Variants in SKIC3 observed in about 807,000 individuals in gnomAD.
The protein encoded by SKIC3 is SKI3 subunit of superkiller complex, also known as superkiller complex protein 3.
chr5:95,504,033 A>C, the SKIC3 span: 1 of 1,238,252 alleles, frequency 8.1e-7, no homozygotes, highest in East Asian at 4.0e-5. Context: ...GTTGGGCCGG[A>C]CGCGGTGGCT....
At chr5:95,470,134 CA>C in the SKIC3 span, among the ~76,000 whole-genome samples, 1 of 152,000 alleles carries the variant, frequency 6.6e-6, no homozygotes, top group Non-Finnish European at 1.5e-5. Context: ...CCCGCCACCA[CA>C]CCCGGCTAAT....
chr5:95,510,062 G>A, the SKIC3 span, among the ~76,000 whole-genome samples: 4 of 151,984 alleles, frequency 2.6e-5, no homozygotes, highest in African/African-American at 4.8e-5. Context: ...TTCTCTTGGC[G>A]GTTCTGTTCC....
the SKIC3 span, chr5:95,516,431 T>C: frequency 1.2e-6 from 2 of 1,613,024 alleles, no homozygotes; most frequent in Admixed American, 1.7e-5. Flanking sequence ...AACATTTTTT[T>C]TCTTAAAATA....
chr5:95,470,933 G>A, the SKIC3 span, among the ~76,000 whole-genome samples: 6 of 152,028 alleles, frequency 3.9e-5, no homozygotes, highest in South Asian at 2.1e-4. Context: ...AAATTTTGAC[G>A]AAGATTTCAT....
chr5:95,530,764 C>T, the SKIC3 span, among the ~76,000 whole-genome samples: 1 of 152,160 alleles, frequency 6.6e-6, no homozygotes, highest in Non-Finnish European at 1.5e-5. Flanking sequence ...CTAAAACTAT[C>T]TTTTTCTATA....
chr5:95,516,476 G>A, the SKIC3 span: 173,442 of 1,611,540 alleles, frequency 0.11, 11,448 homozygotes, highest in African/African-American at 0.3. Context: ...CAGAAAATTA[G>A]TAATACTAAA....
chr5:95,498,293 G>A, the SKIC3 span: 23 of 1,430,114 alleles, frequency 1.6e-5, no homozygotes, highest in South Asian at 2.5e-4. Flanking sequence ...TTATTTTATA[G>A]TATTAATAAA....
the SKIC3 span, among the ~76,000 whole-genome samples, chr5:95,490,159 G>T: frequency 6.6e-6 from 1 of 151,972 alleles, no homozygotes; most frequent in African/African-American, 2.4e-5. Flanking sequence ...TAGATTAACA[G>T]CTTATTCTGA....
At chr5:95,534,211 A>G in the SKIC3 span, among the ~76,000 whole-genome samples, 1 of 151,050 alleles carries the variant, frequency 6.6e-6, no homozygotes, top group South Asian at 2.1e-4. Flanking sequence ...GCTTCCTATC[A>G]GGAAAAAAAA....
the SKIC3 span, among the ~76,000 whole-genome samples, chr5:95,549,890 A>T: frequency 3.0e-4 from 46 of 151,984 alleles, no homozygotes; most frequent in African/African-American, 1.1e-3. Flanking sequence ...ACCCAAAATG[A>T]TTCCACGTAA....
At chr5:95,517,271 A>G in the SKIC3 span, 7 of 1,613,388 alleles carry the variant, frequency 4.3e-6, no homozygotes, top group Non-Finnish European at 5.9e-6. Context: ...AGGTACAAGC[A>G]TCCCCAGCTA....
the SKIC3 span, chr5:95,490,766 G>C: frequency 1.9e-6 from 2 of 1,052,988 alleles, no homozygotes; most frequent in Non-Finnish European, 2.8e-6. Context: ...CCAAAGTGCT[G>C]GGATTACAGG....
chr5:95,484,141 C>T, the SKIC3 span, among the ~76,000 whole-genome samples: 1 of 152,114 alleles, frequency 6.6e-6, no homozygotes, highest in Non-Finnish European at 1.5e-5. Flanking sequence ...TACTTATCCT[C>T]TTTAAGTCTT....
the SKIC3 span, among the ~76,000 whole-genome samples, chr5:95,496,083 T>A: frequency 6.6e-6 from 1 of 151,912 alleles, no homozygotes; most frequent in South Asian, 2.1e-4. Flanking sequence ...GGTGGCATGA[T>A]CTCGGCTCAC....
chr5:95,479,716 T>C, the SKIC3 span, among the ~76,000 whole-genome samples: 4 of 150,210 alleles, frequency 2.7e-5, no homozygotes, highest in Non-Finnish European at 4.4e-5. Flanking sequence ...TGTGTGTGTA[T>C]AGTTCATTAC....
At chr5:95,464,611 T>C in the SKIC3 span, 2 of 1,610,774 alleles carry the variant, frequency 1.2e-6, no homozygotes, top group Non-Finnish European at 1.7e-6. Flanking sequence ...CCAATGTTAT[T>C]GTGAGGACAA....
the SKIC3 span, chr5:95,498,537 C>T: frequency 1.2e-6 from 2 of 1,614,164 alleles, no homozygotes; most frequent in Admixed American, 3.3e-5. Flanking sequence ...GCATTGCCAA[C>T]CCTAGAGCAC....
At chr5:95,533,781 CTT>C in the SKIC3 span, among the ~76,000 whole-genome samples, 1 of 152,138 alleles carries the variant, frequency 6.6e-6, no homozygotes, top group Non-Finnish European at 1.5e-5. Context: ...TATCAGAGCA[CTT>C]TGTCAACCAC....
the SKIC3 span, chr5:95,529,423 T>C: frequency 2.6e-6 from 1 of 388,870 alleles, no homozygotes; most frequent in Non-Finnish European, 4.9e-6. Flanking sequence ...AAAAATCTTT[T>C]ACTGATTCCC....
Sources: allele counts gnomAD v4.1 joint callset (sites outside exome capture counted in the v4.1 genomes callset), GRCh38; gene constraint gnomAD v4.1.1; transcripts MANE v1.5; gene names NCBI Gene and HGNC (gene_info 2026-07-23, HGNC 2026-07-21).